Variants in ALG8 observed in about 807,000 individuals in gnomAD.
ALG8 encodes ALG8 alpha-1,3-glucosyltransferase.
A neutral mutation model predicts 70.2 loss-of-function variants in ALG8; 48 were observed. The ratio of observed to expected loss-of-function variants is 0.68; its 90% CI spans 0.54 to 0.87. ALG8 has a LOEUF of 0.87. ALG8 is among the 40% of genes least tolerant of loss of function. ALG8 has a pLI of 0.00. For missense variants in ALG8, 572 were observed against 608.7 expected (o/e 0.94, Z 0.64); for synonymous variants, 234 against 229.0 (o/e 1.02, Z -0.20).
At chr11:78,103,953 T>A (rs373546224) in intron 12 of ALG8, 27 bp downstream of exon 12, 3 of 1,260,400 alleles carry the variant, frequency 2.4e-6, no homozygotes, top group Admixed American at 1.8e-5. Context: ...CAAGAGTAAG[T>A]ATAATTTTAA....
chr11:78,123,871 G>A, intron 3 of ALG8, 150 bp downstream of exon 3: 1 of 853,448 alleles, frequency 1.2e-6, no homozygotes, highest in East Asian at 2.6e-5. Context: ...CTTTAAACAT[G>A]TAGTTTAAAG....
At chr11:78,119,356 CAAAA>C in intron 4 of ALG8, 107 bp from the exon 5 acceptor site, 2 of 726,676 alleles carry the variant, frequency 2.8e-6, no homozygotes, top group Middle Eastern at 2.6e-4. Flanking sequence ...AAATTAAAGA[CAAAA>C]AATACTACTA....
At chr11:78,129,835 T>C (rs1861228144) in intron 1 of ALG8, among the ~76,000 whole-genome samples, 1 of 151,828 alleles carries the variant, frequency 6.6e-6, no homozygotes, top group Admixed American at 6.6e-5. Context: ...TGACCCTCAA[T>C]TATTTTTAAG....
chr11:78,114,233 GA>G (rs1252507614), intron 6 of ALG8, 32 bp downstream of exon 6: 1 of 1,613,264 alleles, frequency 6.2e-7, no homozygotes, highest in Non-Finnish European at 8.5e-7. Flanking sequence ...GGGAAAAATC[GA>G]AAATGTTTTT....
intron 1 of ALG8, among the ~76,000 whole-genome samples, chr11:78,136,177 G>T (rs888941862): frequency 2.0e-5 from 3 of 151,150 alleles, no homozygotes; most frequent in Non-Finnish European, 4.4e-5. Flanking sequence ...AAAAAGAAAA[G>T]AAAAAGGAAA....
At chr11:78,135,604 T>C (rs1419712363) in intron 1 of ALG8, among the ~76,000 whole-genome samples, 1 of 151,998 alleles carries the variant, frequency 6.6e-6, no homozygotes, top group Admixed American at 6.6e-5. Context: ...TCCCAACACT[T>C]TGGGAGGCCA....
rs1860357766 is a variant in ALG8 at position 78,112,758 on chromosome 11, G to C, written c.790C>G (p.Gln264Glu). 6.2e-7 allele frequency: 1 copy of C among 1,613,646 alleles called. No homozygotes were observed. Among genetic ancestry groups the C allele is most frequent in the Admixed American group, 1.7e-5 (1 of 59,988 alleles). Residue 264 changes from glutamine to glutamate, a missense_variant, in exon 8 of 13, where the codon CAA (glutamine) becomes GAA (glutamate). Coordinates refer to ENST00000299626, the MANE Select transcript of ALG8 (RefSeq NM_024079.5). ...AAAGGAAAGAGTCGGGAAAAGACTT[G>C]AGGCAGCTGATTCTGTTGAAAAGAG... ...GPFLALNQLP[Q>E]VFSRLFPFKR...
chr11:78,119,285 C>CA, intron 4 of ALG8, 36 bp from the exon 5 acceptor site: 2 of 1,449,512 alleles, frequency 1.4e-6, no homozygotes, highest in East Asian at 4.5e-5. Flanking sequence ...CAGAGGACAC[C>CA]AAATTCATAA....
intron 2 of ALG8, among the ~76,000 whole-genome samples, chr11:78,125,234 A>G (rs1265164277): frequency 1.3e-5 from 2 of 151,298 alleles, no homozygotes; most frequent in African/African-American, 4.9e-5. Context: ...GGGTTTCACC[A>G]TGTTAGCCAG....
At chr11:78,111,842 C>T (rs530627697) in intron 8 of ALG8, among the ~76,000 whole-genome samples, 2 of 152,306 alleles carry the variant, frequency 1.3e-5, no homozygotes, top group East Asian at 1.9e-4. Context: ...TTTTTCATTA[C>T]GACCCAATTT....
At chr11:78,122,150 T>C (rs544800722) in intron 3 of ALG8, among the ~76,000 whole-genome samples, 4 of 152,216 alleles carry the variant, frequency 2.6e-5, no homozygotes, top group Admixed American at 2.0e-4. Context: ...GAGTGGCAAA[T>C]TTTAACAATA....
At chr11:78,129,149 G>A (rs1249750602) in intron 1 of ALG8, among the ~76,000 whole-genome samples, 2 of 151,816 alleles carry the variant, frequency 1.3e-5, no homozygotes, top group Admixed American at 1.3e-4. Flanking sequence ...GGCCGGGCGC[G>A]GTGGCTCACA....
rs1860713220 is a variant in ALG8 at position 78,119,258 on chromosome 11, A to AG, written c.479-10dup. 2 of 1,605,836 alleles carry AG rather than the reference A, an allele frequency of 1.2e-6. No homozygotes were observed. Among genetic ancestry groups the AG allele is most frequent in the Admixed American group, 3.3e-5 (2 of 59,968 alleles). On this transcript the variant is annotated splice_polypyrimidine_tract_variant and intron_variant, in intron 4 of 12. Transcript: ENST00000299626. The stretch of plus-strand genomic sequence containing the variant: ...GTACTGAAAATGAATATCTGGACTT[A>AG]GGTCAAGGAAAGACAACAGAGGACA...
At chr11:78,111,010 T>TGAAATATGAATGTTAG (rs1860262782) in intron 8 of ALG8, among the ~76,000 whole-genome samples, 1 of 152,214 alleles carries the variant, frequency 6.6e-6, no homozygotes, top group Non-Finnish European at 1.5e-5. Flanking sequence ...AAGCTTTTTT[T>TGAAATATGAATGTTAG]GAAATATGAA....
rs557416046 is a variant in ALG8 at position 78,134,661 on chromosome 11, C to A, written c.95+4833G>T. Among the ~76,000 whole-genome samples the A allele has an allele frequency of 3.9e-5, 6 of 152,312 alleles. No individual in the cohort carries two copies. In the South Asian group the frequency reaches 1.2e-3, roughly 32 times the overall value. On this transcript the variant is annotated intron_variant, in intron 1 of 12. Transcript: ENST00000299626. ...CCTTTGTTGTCATTTCAACAATATTCACAGCATCTTCATTAGCAGAGTGCA... is the reference window on the plus strand; with the variant it reads ...CCTTTGTTGTCATTTCAACAATATTAACAGCATCTTCATTAGCAGAGTGCA...
intron 1 of ALG8, among the ~76,000 whole-genome samples, chr11:78,132,667 G>A (rs1247492916): frequency 6.7e-6 from 1 of 148,668 alleles, no homozygotes; most frequent in Non-Finnish European, 1.5e-5. Context: ...TGCTCTTTCA[G>A]ATAAGTTCTA....
intron 5 of ALG8, among the ~76,000 whole-genome samples, 155 bp downstream of exon 5, chr11:78,119,027 G>A (rs1042376629): frequency 3.9e-5 from 6 of 152,204 alleles, no homozygotes; most frequent in African/African-American, 1.4e-4. Flanking sequence ...CAAAAGAGAA[G>A]ATGGAATTTG....
At chr11:78,139,116 G>A (rs1861681902) in intron 1 of ALG8, 1 of 360,106 alleles carries the variant, frequency 2.8e-6, no homozygotes, top group African/African-American at 2.1e-5. Flanking sequence ...CAACTTCGAG[G>A]GCAAGGACCA....
At chr11:78,114,751 AC>A in intron 5 of ALG8, 1 of 441,540 alleles carries the variant, frequency 2.3e-6, no homozygotes, top group Non-Finnish European at 4.5e-6. Flanking sequence ...GGATTGCTTG[AC>A]CCCAGGAGTT....
Sources: allele counts gnomAD v4.1 joint callset (sites outside exome capture counted in the v4.1 genomes callset), GRCh38; gene constraint gnomAD v4.1.1; transcripts MANE v1.5; gene names NCBI Gene and HGNC (gene_info 2026-07-23, HGNC 2026-07-21).